PTPRU: variants seen among roughly 807,000 people sequenced by gnomAD.
PTPRU encodes the protein protein tyrosine phosphatase receptor type U.
In PTPRU, 69 loss-of-function variants were observed where a neutral mutation model predicts 166.3. The ratio of observed to expected loss-of-function variants is 0.41; its 90% CI spans 0.34 to 0.51. PTPRU has a LOEUF of 0.51. Among genes scored for constraint, PTPRU ranks in the 20% least tolerant of loss-of-function variants. The pLI is 0.09. For synonymous variants in PTPRU, 793 were observed against 814.0 expected (o/e 0.97, Z 0.44); for missense variants, 1,657 against 2,013.7 (o/e 0.82, Z 3.39).
At chr1:29,304,455 A>C (rs1687288843) in intron 16 of PTPRU, among the ~76,000 whole-genome samples, 1 of 152,000 alleles carries the variant, frequency 6.6e-6, no homozygotes, top group African/African-American at 2.4e-5. Flanking sequence ...CCCTTATCCT[A>C]ATCTAAATCT....
chr1:29,236,849 T>C lies in PTPRU; in HGVS notation c.73+132T>C, dbSNP rs67702477. 16,514 of 872,880 alleles carry C rather than the reference T, an allele frequency of 0.019. 204 individuals carry two copies. The highest frequency in any genetic ancestry group is 0.054 in the Middle Eastern group (219 of 4,056). The allele number at this position is 872,880 out of a possible 1,614,324, so 54.1% of individuals were successfully genotyped here. On this transcript the variant is annotated intron_variant, in intron 1 of 29. Transcript: ENST00000373779. This position sits in a 1 kb window ranked among gnomAD's most constrained non-coding sequence, Gnocchi z 4.6. The stretch of plus-strand genomic sequence containing the variant: ...TCCCTGTGTGTGTCTGAGCGTAGGA[T>C]GGGCGATTGTGTGCCCGGGGTGTTG...
intron 1 of PTPRU, among the ~76,000 whole-genome samples, chr1:29,247,844 T>C (rs1684369140): frequency 6.6e-6 from 1 of 152,186 alleles, no homozygotes; most frequent in South Asian, 2.1e-4. Flanking sequence ...GATGTTGGCA[T>C]TGTCAGGCTG....
Position 29,311,616 on chromosome 1 carries a change from C to T in PTPRU, c.2956-27C>T. The T allele has an allele frequency of 6.2e-7, 1 of 1,613,986 alleles. No individual in the cohort carries two copies. The highest frequency in any genetic ancestry group is 8.5e-7 in the Non-Finnish European group (1 of 1,179,814). On this transcript the variant is annotated intron_variant, in intron 20 of 29. Transcript: ENST00000373779. The surrounding 1 kb of genome is among the most constrained non-coding windows in gnomAD (Gnocchi z 4.1). ...GGCCAAGGGGGCAGCAAAGAGCCCA[C>T]TGAGTCCCGTCCTGTGGGGCCTCTA...
At position 29,325,644 on chromosome 1, in the gene PTPRU, G is replaced by C; in HGVS notation, c.4294G>C (p.Gly1432Arg). 1 of 1,610,490 alleles carries C rather than the reference G, an allele frequency of 6.2e-7. No homozygotes were observed. Among genetic ancestry groups the C allele is most frequent in the Non-Finnish European group, 8.5e-7 (1 of 1,177,948 alleles). Residue 1432 changes from glycine (G) to arginine (R), a missense_variant, in exon 30 of 30, where the codon GGG (glycine) becomes CGG (arginine). By Grantham distance (125) the Gly-to-Arg change is moderately radical (BLOSUM62 -2). Around this residue, in one of 3 missense-constraint regions of PTPRU, gnomAD observed 1,190 missense variants for 1,477.4 expected, o/e 0.81. Coordinates refer to ENST00000373779, the MANE Select transcript of PTPRU (RefSeq NM_133178.4). Reference protein sequence around the residue: ...CYDVALEYLEGLESR With the variant: ...CYDVALEYLERLESR Reference sequence around the variant, plus strand: ...CGATGTGGCCCTGGAGTACTTGGAGGGGCTGGAGTCAAGATAGCGGGGCCC... The same window carrying C: ...CGATGTGGCCCTGGAGTACTTGGAGCGGCTGGAGTCAAGATAGCGGGGCCC...
chr1:29,312,465 C>A, intron 21 of PTPRU, 87 bp from the exon 22 acceptor site: 3 of 1,253,444 alleles, frequency 2.4e-6, no homozygotes, highest in Middle Eastern at 2.0e-4. Flanking sequence ...CAATGAGATG[C>A]TTACTGCAGT....
chr1:29,298,353 C>T (rs1686987139), intron 15 of PTPRU, among the ~76,000 whole-genome samples: 1 of 151,996 alleles, frequency 6.6e-6, no homozygotes, highest in South Asian at 2.1e-4. Flanking sequence ...TTATTCTTCT[C>T]TGCCCTCCAC....
chr1:29,322,133 C>T (rs1362207449), intron 26 of PTPRU, among the ~76,000 whole-genome samples: 2 of 152,236 alleles, frequency 1.3e-5, no homozygotes, highest in Admixed American at 6.5e-5. Flanking sequence ...GGATAATGGG[C>T]CTCAGCCCTG....
At chr1:29,241,220 G>A (rs1684040651) in intron 1 of PTPRU, among the ~76,000 whole-genome samples, 1 of 152,120 alleles carries the variant, frequency 6.6e-6, no homozygotes, top group Admixed American at 6.5e-5. Context: ...CTGGAGTTGG[G>A]TGCAGAGCTA....
In PTPRU at chr1:29,279,102, G is replaced by A; in HGVS notation, c.1544G>A (p.Gly515Asp). Residue 515 changes from glycine (G) to aspartate (D), a missense_variant, in exon 9 of 30, where the codon GGT (glycine) becomes GAT (aspartate). Physicochemically the swap from Gly to Asp is moderately conservative, Grantham distance 94 (BLOSUM62 -1). Around this residue, in one of 3 missense-constraint regions of PTPRU, gnomAD observed 1,190 missense variants for 1,477.4 expected, o/e 0.81. Transcript: ENST00000373779. This position sits in a 1 kb window ranked among gnomAD's most constrained non-coding sequence, Gnocchi z 5.2. ...LKWEEPQEPN[G>D]LITQYEISYQ... ...TGGGAGGAGCCCCAGGAGCCCAATG[G>A]TCTCATCACCCAGTATGAGGTGGGT... 1 of 1,579,960 alleles carries A rather than the reference G, an allele frequency of 6.3e-7. No individual in the cohort carries two copies. The highest frequency in any genetic ancestry group is 8.6e-7 in the Non-Finnish European group (1 of 1,162,268).
intron 1 of PTPRU, among the ~76,000 whole-genome samples, chr1:29,240,935 G>A (rs1011553801): frequency 3.9e-5 from 6 of 152,208 alleles, no homozygotes; most frequent in Admixed American, 3.9e-4. Context: ...GGAGGGAAGG[G>A]AGGAGAACTG....
At position 29,325,888 on chromosome 1, in the gene PTPRU, G is replaced by C. The variant is rs1688391990; in HGVS notation, c.*227G>C. ...AGGAGCTTAGCAAGTCTGCAGCCCA[G>C]CCCCACCTCCATAGGGTCCTGCAGG... On this transcript the variant is annotated 3_prime_UTR_variant, in exon 30 of 30. Coordinates refer to ENST00000373779, the MANE Select transcript of PTPRU (RefSeq NM_133178.4). 1.8e-6 allele frequency: 1 copy of C among 555,700 alleles called. No individual in the cohort carries two copies. The highest frequency in any genetic ancestry group is 1.9e-5 in the African/African-American group (1 of 51,632). 34.4% of individuals were successfully genotyped at this position (555,700 alleles called of 1,614,324 possible).
At position 29,275,633 on chromosome 1, in the gene PTPRU, G is replaced by A. The variant is rs111456945; in HGVS notation, c.1330G>A (p.Gly444Ser). 6.8e-6 allele frequency: 11 copies of A among 1,614,160 alleles called. No individual in the cohort carries two copies. Among genetic ancestry groups the A allele is most frequent in the South Asian group, 1.1e-5 (1 of 91,068 alleles). Residue 444 changes from glycine to serine, a missense_variant, in exon 8 of 30, where the codon GGT becomes AGT. This residue lies in a region of PTPRU where 1,190 missense variants were observed against 1,477.4 expected (regional missense o/e 0.81). Coordinates refer to ENST00000373779, the MANE Select transcript of PTPRU (RefSeq NM_133178.4). Reference sequence around the variant, plus strand: ...CCGAGAGTGTGTGAAGACAGAGCAAGGTGTCAGCCGCTACACCATCAAGAA... The same window carrying A: ...CCGAGAGTGTGTGAAGACAGAGCAAAGTGTCAGCCGCTACACCATCAAGAA... Reference protein sequence around the residue: ...TIRECVKTEQGVSRYTIKNLL... With the variant: ...TIRECVKTEQSVSRYTIKNLL...
chr1:29,315,379 A>ACCGG lies in PTPRU; in HGVS notation c.3239_3242dup (p.Thr1082ProfsTer18). On this transcript the variant is annotated frameshift_variant, in exon 23 of 30. Coordinates refer to ENST00000373779, the MANE Select transcript of PTPRU (RefSeq NM_133178.4). LOFTEE classifies it high-confidence loss of function. This position sits in a 1 kb window ranked among gnomAD's most constrained non-coding sequence, Gnocchi z 4.5. ...GGGCTGCTCTCTCTCCAGCGCGGGCACCGGCCGCACAGGTTGCTATATCGT... is the reference window on the plus strand; with the variant it reads ...GGGCTGCTCTCTCTCCAGCGCGGGCACCGGCCGGCCGCACAGGTTGCTATATCGT... The ACCGG allele has an allele frequency of 3.1e-6, 5 of 1,614,124 alleles. No individual in the cohort carries two copies. The highest frequency in any genetic ancestry group is 4.2e-6 in the Non-Finnish European group (5 of 1,180,030).
Position 29,260,739 on chromosome 1 carries a change from C to T in PTPRU, c.980C>T (p.Ala327Val). The change falls in exon 7 of 30, where the codon GCG (alanine) becomes GTG (valine). Residue 327 changes from alanine (A) to valine (V), a missense_variant. Physicochemically the swap from Ala to Val is moderately conservative, Grantham distance 64. Coordinates refer to ENST00000373779, the MANE Select transcript of PTPRU (RefSeq NM_133178.4). This position sits in a 1 kb window ranked among gnomAD's most constrained non-coding sequence, Gnocchi z 8.3. ...IVRKEIEYRM[A>V]RGPWAEVHAV... ...CGCAAGGAGATTGAGTACCGCATGG[C>T]GCGCGGGCCCTGGGCTGAGGTGCAC... 1.2e-6 allele frequency: 2 copies of T among 1,610,340 alleles called. No homozygotes were observed. The highest frequency in any genetic ancestry group is 2.2e-5 in the East Asian group (1 of 44,590).
At chr1:29,239,699 TC>T (rs1211948184) in intron 1 of PTPRU, among the ~76,000 whole-genome samples, 1 of 151,582 alleles carries the variant, frequency 6.6e-6, no homozygotes, top group East Asian at 1.9e-4. Flanking sequence ...TTCCTCCCCC[TC>T]CCCCCTTTTC....
chr1:29,324,159 T>TCCATCCAC (rs1401671309), intron 28 of PTPRU, among the ~76,000 whole-genome samples: 1 of 152,132 alleles, frequency 6.6e-6, no homozygotes, highest in Non-Finnish European at 1.5e-5. Flanking sequence ...CATCCATCCA[T>TCCATCCAC]CCATCCACCC....
At chr1:29,284,638 GC>G in intron 13 of PTPRU, 92 bp from the exon 14 acceptor site, 2 of 1,578,184 alleles carry the variant, frequency 1.3e-6, no homozygotes, top group Admixed American at 3.3e-5. Flanking sequence ...GGTTTGTGCA[GC>G]CCAGTTTGTT....
intron 18 of PTPRU, among the ~76,000 whole-genome samples, chr1:29,309,669 A>T (rs1557476276): frequency 2.6e-5 from 4 of 152,248 alleles, no homozygotes; most frequent in Admixed American, 2.0e-4. Context: ...TGCTGTAATT[A>T]TTCCATTTTA....
intron 1 of PTPRU, among the ~76,000 whole-genome samples, chr1:29,252,254 G>GT (rs199572550): frequency 0.013 from 1,825 of 137,740 alleles, 21 homozygotes; most frequent in African/African-American, 0.033. Flanking sequence ...TTCTGGGTGT[G>GT]TTTTTCTTTT....
Sources: allele counts gnomAD v4.1 joint callset (sites outside exome capture counted in the v4.1 genomes callset), GRCh38; gene constraint gnomAD v4.1.1; regional missense constraint gnomAD v4.1.1; non-coding constraint Gnocchi (gnomAD v3.1); transcripts MANE v1.5; gene names NCBI Gene and HGNC (gene_info 2026-07-23, HGNC 2026-07-21).